The following ATP11A variants were observed in gnomAD, a reference collection of about 807,000 sequenced individuals.
The protein encoded by ATP11A is phospholipid-transporting ATPase IH.
A neutral mutation model predicts 154.4 loss-of-function variants in ATP11A; 81 were observed. That is an observed-to-expected ratio of 0.52 (90% CI 0.44 to 0.63). The LOEUF is 0.63. Among genes scored for constraint, ATP11A ranks in the 30% least tolerant of loss-of-function variants. The pLI is 0.00. For missense variants in ATP11A, 1,316 were observed against 1,474.3 expected, an observed-to-expected ratio of 0.89 and a Z score of 1.76; for synonymous variants, 623 against 585.9, an observed-to-expected ratio of 1.06 and a Z score of -0.91.
At chr13:112,741,165 A>G (rs1383478095) in intron 1 of ATP11A, among the ~76,000 whole-genome samples, 1 of 152,218 alleles carries the variant, frequency 6.6e-6, no homozygotes, top group Non-Finnish European at 1.5e-5. Context: ...GTGTTTCCAC[A>G]GAGCTTTATG....
chr13:112,833,132 C>G, intron 14 of ATP11A, 109 bp downstream of exon 14: 2 of 1,386,482 alleles, frequency 1.4e-6, no homozygotes, highest in East Asian at 2.3e-5. Flanking sequence ...ACCCTGTGCC[C>G]TCCACACTGA....
At chr13:112,808,540 C>G (rs2078391461) in intron 4 of ATP11A, among the ~76,000 whole-genome samples, 1 of 149,282 alleles carries the variant, frequency 6.7e-6, no homozygotes, top group Non-Finnish European at 1.5e-5. Flanking sequence ...GCGCCTCTGT[C>G]CGCAGCTGGG....
intron 28 of ATP11A, 118 bp downstream of exon 28, chr13:112,876,059 A>G (rs1231836087): frequency 1.7e-6 from 2 of 1,192,990 alleles, no homozygotes; most frequent in African/African-American, 3.0e-5. Flanking sequence ...TGATCAGTTC[A>G]GGTATCACTA....
chr13:112,760,109 C>T (rs546148742), intron 1 of ATP11A, among the ~76,000 whole-genome samples: 14 of 152,290 alleles, frequency 9.2e-5, no homozygotes, highest in Non-Finnish European at 1.5e-4. Context: ...ATCCCCGAGC[C>T]GGATTCCATT....
intron 1 of ATP11A, among the ~76,000 whole-genome samples, chr13:112,728,356 C>T (rs918259632): frequency 4.0e-5 from 6 of 149,628 alleles, no homozygotes; most frequent in African/African-American, 1.5e-4. Context: ...GTATGTACCA[C>T]GTTGTCAGTG....
intron 1 of ATP11A, among the ~76,000 whole-genome samples, chr13:112,738,840 C>T (rs1486744669): frequency 2.6e-5 from 4 of 151,916 alleles, no homozygotes; most frequent in Non-Finnish European, 5.9e-5. Context: ...TTCTCGTGTC[C>T]CACTGTGAGT....
chr13:112,762,757 C>T (rs1255513182), intron 1 of ATP11A, among the ~76,000 whole-genome samples: 1 of 152,212 alleles, frequency 6.6e-6, no homozygotes, highest in Non-Finnish European at 1.5e-5. Context: ...GATCATAAAA[C>T]GTAAAACATC....
At chr13:112,774,070 G>A (rs1021471675) in intron 1 of ATP11A, among the ~76,000 whole-genome samples, 2 of 152,254 alleles carry the variant, frequency 1.3e-5, no homozygotes, top group African/African-American at 2.4e-5. Flanking sequence ...ATTCCCTCCT[G>A]TGTCTGGCGG....
chr13:112,863,892 C>A (rs200739990), intron 25 of ATP11A, among the ~76,000 whole-genome samples: 13 of 42,490 alleles, frequency 3.1e-4, no homozygotes, highest in South Asian at 1.6e-3. Context: ...CCATCACCAC[C>A]TGCGCAGTAA....
intron 1 of ATP11A, among the ~76,000 whole-genome samples, chr13:112,733,876 G>A (rs1475150174): frequency 1.3e-5 from 2 of 152,170 alleles, no homozygotes; most frequent in Non-Finnish European, 2.9e-5. Context: ...TCAATTCTGT[G>A]ATTCTTATCT....
chr13:112,742,250 G>A (rs1184082829), intron 1 of ATP11A, among the ~76,000 whole-genome samples: 3 of 152,202 alleles, frequency 2.0e-5, no homozygotes, highest in Admixed American at 6.5e-5. Context: ...ATGTTGCATG[G>A]GAAATGCAGC....
intron 1 of ATP11A, among the ~76,000 whole-genome samples, chr13:112,761,712 A>G (rs186331539): frequency 2.2e-4 from 33 of 148,846 alleles, no homozygotes; most frequent in Middle Eastern, 3.5e-3. Flanking sequence ...GGATTCAGGA[A>G]TCTCCTGGGG....
intron 1 of ATP11A, chr13:112,745,722 G>C (rs1335365373): frequency 6.6e-6 from 1 of 152,122 alleles, no homozygotes; most frequent in East Asian, 1.9e-4. Flanking sequence ...TGAGAGGCAG[G>C]ACCCAGGCTT....
At chr13:112,776,335 T>A (rs117071037) in intron 1 of ATP11A, among the ~76,000 whole-genome samples, 335 of 152,266 alleles carry the variant, frequency 2.2e-3, no homozygotes, top group African/African-American at 6.9e-3. Context: ...AATTCCTCCA[T>A]GCTGCCTGCT....
At chr13:112,803,793 CTTACTTCCCCTCCCTCCCCTCCTTCCT>C (rs2078210438) in intron 2 of ATP11A, among the ~76,000 whole-genome samples, 3 of 106,104 alleles carry the variant, frequency 2.8e-5, no homozygotes, top group Admixed American at 9.6e-5. Flanking sequence ...CCCTCCCTGC[CTTACTTCCCCTCCCTCCCCTCCTTCCT>C]CTCCTTCCCC....
intron 29 of ATP11A, chr13:112,880,438 T>C: frequency 1.0e-6 from 1 of 993,646 alleles, no homozygotes; most frequent in Non-Finnish European, 1.3e-6. Context: ...CAACAGGGGC[T>C]TCGAGCCTCT....
At chr13:112,841,822 G>A (rs766751613) in intron 16 of ATP11A, among the ~76,000 whole-genome samples, 1 of 152,244 alleles carries the variant, frequency 6.6e-6, no homozygotes, top group Non-Finnish European at 1.5e-5. Flanking sequence ...AAAAAATGAC[G>A]CAAACGTTTC....
At position 112,874,418 on chromosome 13, in the gene ATP11A, C is replaced by T. The variant is rs75723678; in HGVS notation, c.3161+742C>T. Among the ~76,000 whole-genome samples, 881 of 152,322 alleles carry T rather than the reference C, an allele frequency of 5.8e-3. 6 individuals carry two copies. Among genetic ancestry groups the T allele is most frequent in the Non-Finnish European group, 9.1e-3 (621 of 68,026 alleles). The stretch of plus-strand genomic sequence containing the variant: ...TCTTTTAAAAACCCCACGGTGGCTG[C>T]GTGTTGAGCTGGTGAGAGCGACATA... On this transcript the variant is annotated intron_variant, in intron 27 of 29. Coordinates refer to ENST00000375645, the MANE Select transcript of ATP11A (RefSeq NM_015205.3).
chr13:112,806,194 C>T lies in ATP11A; in HGVS notation c.253-19C>T, dbSNP rs2078317418. 6.3e-7 allele frequency: 1 copy of T among 1,595,928 alleles called. No homozygotes were observed. ...ATTTGTGTTTTTGAAGATGATTTTACAATTCTCTCTTTCTGCAGTTGATTA... is the reference window on the plus strand; with the variant it reads ...ATTTGTGTTTTTGAAGATGATTTTATAATTCTCTCTTTCTGCAGTTGATTA... On this transcript the variant is annotated intron_variant, in intron 3 of 29. Transcript: ENST00000375645.
Sources: gnomAD v4.1 joint callset for allele counts (sites outside exome capture counted in the v4.1 genomes callset) on GRCh38, gnomAD v4.1.1 for gene constraint, MANE v1.5 for transcripts, NCBI Gene and HGNC (gene_info 2026-07-23, HGNC 2026-07-21) for gene names.